Variants in NCAM2 observed in about 807,000 individuals in gnomAD.
NCAM2 encodes neural cell adhesion molecule 2.
In NCAM2, 30 loss-of-function variants were observed where a neutral mutation model predicts 98.1. That is an observed-to-expected ratio of 0.31 (90% CI 0.23 to 0.41). The LOEUF (loss-of-function observed/expected upper bound fraction) is 0.41. NCAM2 is among the 10% of genes least tolerant of loss of function. The pLI, the probability that NCAM2 is intolerant of heterozygous loss-of-function variation, is 1.00. For missense variants in NCAM2, 867 were observed against 1,005.8 expected, an observed-to-expected ratio of 0.86 and a Z score of 1.87; for synonymous variants, 368 against 342.4, an observed-to-expected ratio of 1.07 and a Z score of -0.83.
intron 5 of NCAM2, among the ~76,000 whole-genome samples, chr21:21,308,086 C>CACACAT (rs1555863617): frequency 6.7e-6 from 1 of 149,662 alleles, no homozygotes; most frequent in Non-Finnish European, 1.5e-5. Context: ...CACACACACA[C>CACACAT]GTACACACAC....
chr21:21,332,526 T>G (rs1039251797), intron 6 of NCAM2, among the ~76,000 whole-genome samples: 1 of 152,216 alleles, frequency 6.6e-6, no homozygotes, highest in African/African-American at 2.4e-5. Context: ...TTGTACTTTA[T>G]ATTTTCTAAT....
At chr21:21,530,315 T>G (rs911208086) in intron 16 of NCAM2, among the ~76,000 whole-genome samples, 2 of 22,236 alleles carry the variant, frequency 9.0e-5, no homozygotes, top group African/African-American at 4.5e-4. Flanking sequence ...AAATTATATA[T>G]AATTAAATTA....
chr21:21,416,752 A>G (rs962250961), intron 10 of NCAM2, among the ~76,000 whole-genome samples: 3 of 152,084 alleles, frequency 2.0e-5, no homozygotes, highest in African/African-American at 7.2e-5. Flanking sequence ...TTATATTTTC[A>G]TAAAATTATA....
At chr21:21,057,361 C>T (rs1169137669) in intron 1 of NCAM2, among the ~76,000 whole-genome samples, 1 of 152,100 alleles carries the variant, frequency 6.6e-6, no homozygotes, top group African/African-American at 2.4e-5. Context: ...ATATATTTTG[C>T]TTTCACAGCA....
At chr21:21,125,714 T>G (rs112264973) in intron 1 of NCAM2, among the ~76,000 whole-genome samples, 7,658 of 134,344 alleles carry the variant, frequency 0.057, 431 homozygotes, top group African/African-American at 0.13. Flanking sequence ...TATATATATA[T>G]AGAGAGAGAG....
intron 1 of NCAM2, among the ~76,000 whole-genome samples, chr21:21,133,536 A>G (rs1188826160): frequency 6.6e-6 from 1 of 152,206 alleles, no homozygotes; most frequent in Non-Finnish European, 1.5e-5. Context: ...CTGTAAATAT[A>G]TGGCAAATTG....
chr21:21,382,867 A>G lies in NCAM2; in HGVS notation c.1195+8854A>G, dbSNP rs528172740. Reference sequence around the variant, plus strand: ...TTTTTTTTTAAGTTCTAAAATTTCAATTTGCTCCATTTTATTCTTTCTGTC... The same window carrying G: ...TTTTTTTTTAAGTTCTAAAATTTCAGTTTGCTCCATTTTATTCTTTCTGTC... On this transcript the variant is annotated intron_variant, in intron 9 of 17. Coordinates refer to ENST00000400546, the MANE Select transcript of NCAM2 (RefSeq NM_004540.5). Among the ~76,000 whole-genome samples, 288 of 151,188 alleles carry G rather than the reference A, an allele frequency of 1.9e-3. 5 individuals are homozygous for G. The highest frequency in any genetic ancestry group is 3.4e-3 in the Middle Eastern group (1 of 294).
chr21:21,186,954 G>A (rs576256312), intron 1 of NCAM2, among the ~76,000 whole-genome samples: 1 of 152,136 alleles, frequency 6.6e-6, no homozygotes, highest in Non-Finnish European at 1.5e-5. Flanking sequence ...CTGAGGCTGG[G>A]CGCAGTGGCT....
intron 9 of NCAM2, among the ~76,000 whole-genome samples, chr21:21,402,195 T>G (rs1416738341): frequency 6.6e-6 from 1 of 152,152 alleles, no homozygotes; most frequent in African/African-American, 2.4e-5. Context: ...CAGCCATATT[T>G]TTCTTCTTGC....
intron 1 of NCAM2, 90 bp downstream of exon 1, chr21:20,998,708 T>C: frequency 8.1e-7 from 1 of 1,235,296 alleles, no homozygotes; most frequent in Non-Finnish European, 1.2e-6. Flanking sequence ...AAGAATGAAA[T>C]GAAAGAACTA....
intron 9 of NCAM2, among the ~76,000 whole-genome samples, chr21:21,382,592 C>A (rs1404429029): frequency 6.6e-6 from 1 of 151,554 alleles, no homozygotes; most frequent in Middle Eastern, 3.4e-3. Flanking sequence ...CTCCGCTCAC[C>A]GCAACCTTCA....
intron 8 of NCAM2, among the ~76,000 whole-genome samples, chr21:21,352,198 A>G (rs896042399): frequency 6.6e-6 from 1 of 152,098 alleles, no homozygotes; most frequent in African/African-American, 2.4e-5. Flanking sequence ...CCTGAGTAGC[A>G]GGACTACAGG....
chr21:21,215,048 A>G (rs2069836397), intron 1 of NCAM2, among the ~76,000 whole-genome samples: 1 of 152,016 alleles, frequency 6.6e-6, no homozygotes, highest in Admixed American at 6.6e-5. Flanking sequence ...GACATGAAAT[A>G]TTGAAGGTCA....
At chr21:21,354,993 A>G (rs1189528932) in intron 8 of NCAM2, among the ~76,000 whole-genome samples, 1 of 152,168 alleles carries the variant, frequency 6.6e-6, no homozygotes, top group African/African-American at 2.4e-5. Context: ...TCAAAATAGT[A>G]GTATTTTTTG....
chr21:21,273,316 A>G (rs2072601469), intron 1 of NCAM2, among the ~76,000 whole-genome samples: 1 of 151,980 alleles, frequency 6.6e-6, no homozygotes, highest in African/African-American at 2.4e-5. Context: ...GAAGATAGAT[A>G]GAACACCAAG....
intron 12 of NCAM2, among the ~76,000 whole-genome samples, chr21:21,461,707 T>TA (rs138961772): frequency 4.0e-5 from 6 of 151,722 alleles, no homozygotes; most frequent in Admixed American, 3.3e-4. Flanking sequence ...AAAGTACTGT[T>TA]AAAAAAACTA....
chr21:21,170,863 C>T (rs1428745514), intron 1 of NCAM2, among the ~76,000 whole-genome samples: 2 of 151,974 alleles, frequency 1.3e-5, no homozygotes, highest in African/African-American at 4.8e-5. Context: ...GGTGTGGGGA[C>T]AGGGCTATAT....
At chr21:21,302,755 TA>T (rs1272413671) in intron 5 of NCAM2, among the ~76,000 whole-genome samples, 4 of 152,156 alleles carry the variant, frequency 2.6e-5, no homozygotes, top group Non-Finnish European at 4.4e-5. Context: ...ACTGGGTATA[TA>T]CCCAAAGGAA....
chr21:21,415,214 A>G (rs1341384966), intron 10 of NCAM2, among the ~76,000 whole-genome samples: 1 of 151,854 alleles, frequency 6.6e-6, no homozygotes, highest in East Asian at 1.9e-4. Flanking sequence ...TGCCCTTTAC[A>G]TCTCCTCTCT....
Sources: gnomAD v4.1 joint callset for allele counts (sites outside exome capture counted in the v4.1 genomes callset) on GRCh38, gnomAD v4.1.1 for gene constraint, MANE v1.5 for transcripts, NCBI Gene and HGNC (gene_info 2026-07-23, HGNC 2026-07-21) for gene names.